ARHGAP42: variants seen among roughly 807,000 people sequenced by gnomAD.
ARHGAP42 encodes Rho GTPase activating protein 42, also known as rho GTPase-activating protein 42.
In ARHGAP42, 63 loss-of-function variants were observed where a neutral mutation model predicts 125.0. That is an observed-to-expected ratio of 0.50 (90% CI 0.41 to 0.62). The LOEUF is 0.62. Ranked by LOEUF, ARHGAP42 falls within the 20% of genes least tolerant of loss-of-function variation. The pLI, the probability that ARHGAP42 is intolerant of heterozygous loss-of-function variation, is 0.00. For synonymous variants in ARHGAP42, 339 were observed against 351.0 expected, an observed-to-expected ratio of 0.97 and a Z score of 0.38; for missense variants, 766 against 1,024.2, an observed-to-expected ratio of 0.75 and a Z score of 3.44.
chr11:100,940,521 C>A (rs183516186), intron 8 of ARHGAP42, among the ~76,000 whole-genome samples: 105 of 152,190 alleles, frequency 6.9e-4, no homozygotes, highest in African/African-American at 2.3e-3. Context: ...GCATTCTACG[C>A]CCTGATAAAT....
chr11:100,957,155 C>T (rs189076648), intron 12 of ARHGAP42, among the ~76,000 whole-genome samples: 1 of 152,180 alleles, frequency 6.6e-6, no homozygotes, highest in Admixed American at 6.6e-5. Flanking sequence ...GAAACTGAGG[C>T]ACAGAGATCA....
At chr11:100,787,237 C>T (rs1416807769) in intron 2 of ARHGAP42, among the ~76,000 whole-genome samples, 2 of 151,618 alleles carry the variant, frequency 1.3e-5, no homozygotes, top group East Asian at 1.9e-4. Context: ...GAGATCGCAC[C>T]ACTGTACTCC....
intron 1 of ARHGAP42, among the ~76,000 whole-genome samples, chr11:100,733,436 C>T (rs927306975): frequency 1.3e-5 from 2 of 152,162 alleles, no homozygotes; most frequent in Admixed American, 1.3e-4. Context: ...TCTACATATA[C>T]ACTTGAATTA....
intron 1 of ARHGAP42, among the ~76,000 whole-genome samples, chr11:100,758,061 C>A (rs918759814): frequency 6.6e-6 from 1 of 152,192 alleles, no homozygotes; most frequent in East Asian, 1.9e-4. Flanking sequence ...TAAACACTTT[C>A]ATTTGATCAA....
At chr11:100,705,021 A>C (rs796816163) in intron 1 of ARHGAP42, among the ~76,000 whole-genome samples, 17,590 of 142,136 alleles carry the variant, frequency 0.12, 1,303 homozygotes, top group African/African-American at 0.21. Flanking sequence ...AACAAAAAAA[A>C]AAAAAAAAAA....
chr11:100,710,452 G>C (rs1264502365), intron 1 of ARHGAP42, among the ~76,000 whole-genome samples: 1 of 150,096 alleles, frequency 6.7e-6, no homozygotes, highest in Non-Finnish European at 1.5e-5. Flanking sequence ...GGTCAGGCTG[G>C]TCTTGAACTC....
chr11:100,711,944 AG>A (rs1278486015), intron 1 of ARHGAP42, among the ~76,000 whole-genome samples: 1 of 152,258 alleles, frequency 6.6e-6, no homozygotes, highest in East Asian at 1.9e-4. Flanking sequence ...GGCTAATTAA[AG>A]GTGTACTGAG....
rs114530187 is a variant in ARHGAP42 at position 100,862,213 on chromosome 11, C to T, written c.384+2588C>T. Reference sequence around the variant, plus strand: ...GAGGAAAATGATGGGGTGACTTGCACCAAATCACAGAGCTGATCTGAAAGA... The same window carrying T: ...GAGGAAAATGATGGGGTGACTTGCATCAAATCACAGAGCTGATCTGAAAGA... On this transcript the variant is annotated intron_variant, in intron 4 of 23. Transcript: ENST00000298815. 5.5e-3 allele frequency among the ~76,000 whole-genome samples: 839 copies of T among 152,144 alleles called. 12 individuals are homozygous for T. Among genetic ancestry groups the T allele is most frequent in the African/African-American group, 0.019 (798 of 41,522 alleles).
At chr11:100,975,093 A>G (rs1858354380) in intron 19 of ARHGAP42, among the ~76,000 whole-genome samples, 1 of 152,198 alleles carries the variant, frequency 6.6e-6, no homozygotes, top group African/African-American at 2.4e-5. Context: ...TCTTGACACC[A>G]TGGCACACAT....
intron 4 of ARHGAP42, among the ~76,000 whole-genome samples, chr11:100,871,040 G>C (rs1294093495): frequency 6.6e-6 from 1 of 150,948 alleles, no homozygotes; most frequent in African/African-American, 2.4e-5. Context: ...TAAATAAATT[G>C]TACCAGCATT....
intron 3 of ARHGAP42, among the ~76,000 whole-genome samples, chr11:100,838,211 A>T (rs1376072650): frequency 6.6e-6 from 1 of 151,990 alleles, no homozygotes; most frequent in Non-Finnish European, 1.5e-5. Flanking sequence ...GCAGGAATTA[A>T]GGCACCTGGT....
intron 22 of ARHGAP42, among the ~76,000 whole-genome samples, chr11:100,984,442 ACTC>A (rs1858623763): frequency 6.6e-6 from 1 of 151,056 alleles, no homozygotes; most frequent in Admixed American, 6.6e-5. Context: ...ACCTCCGTGC[ACTC>A]CTATTCCCTT....
rs181599896 is a variant in ARHGAP42 at position 100,895,641 on chromosome 11, G to A, written c.385-17811G>A. 1.8e-3 allele frequency among the ~76,000 whole-genome samples: 273 copies of A among 152,008 alleles called. 1 individual carries two copies. Among genetic ancestry groups the A allele is most frequent in the Non-Finnish European group, 2.6e-3 (178 of 67,970 alleles). On this transcript the variant is annotated intron_variant, in intron 4 of 23. Coordinates refer to ENST00000298815, the MANE Select transcript of ARHGAP42 (RefSeq NM_152432.4). Reference sequence around the variant, plus strand: ...TGCTGAAGGAGAAGGAGTGCCAGGTGTATTTGAGGAAGGCATCTGGGAACT... The same window carrying A: ...TGCTGAAGGAGAAGGAGTGCCAGGTATATTTGAGGAAGGCATCTGGGAACT...
chr11:100,845,787 C>G (rs1278617126), intron 3 of ARHGAP42, among the ~76,000 whole-genome samples: 2 of 151,974 alleles, frequency 1.3e-5, no homozygotes, highest in African/African-American at 4.8e-5. Context: ...AATTTTGTAC[C>G]TTAGTAATGT....
chr11:100,794,699 G>T (rs1863666540), intron 2 of ARHGAP42, among the ~76,000 whole-genome samples: 1 of 152,186 alleles, frequency 6.6e-6, no homozygotes, highest in African/African-American at 2.4e-5. Context: ...CGAAATAGTA[G>T]ATTTGTTGCT....
At chr11:100,761,710 A>C (rs1384790155) in intron 1 of ARHGAP42, among the ~76,000 whole-genome samples, 1 of 152,192 alleles carries the variant, frequency 6.6e-6, no homozygotes, top group Non-Finnish European at 1.5e-5. Context: ...GCTCTCTTGA[A>C]GATAGTAATT....
At position 100,893,226 on chromosome 11, in the gene ARHGAP42, A is replaced by G. The variant is rs1219404829; in HGVS notation, c.385-20226A>G. Among the ~76,000 whole-genome samples the G allele has an allele frequency of 2.0e-5, 3 of 147,752 alleles. No homozygotes were observed. In the Admixed American group the frequency reaches 2.1e-4, roughly 10 times the overall value. On this transcript the variant is annotated intron_variant, in intron 4 of 23. Transcript: ENST00000298815. The stretch of plus-strand genomic sequence containing the variant: ...TTGAATTTGGGCTTTTTTGAGTCTC[A>G]GTGTTTTAAATTTCAGCATTATGTT...
intron 4 of ARHGAP42, among the ~76,000 whole-genome samples, chr11:100,891,266 C>T (rs1005038243): frequency 3.3e-5 from 5 of 152,082 alleles, no homozygotes. Context: ...CTCCTAATGT[C>T]TTTCTGTCCT....
At chr11:100,871,747 T>C (rs1865701433) in intron 4 of ARHGAP42, among the ~76,000 whole-genome samples, 1 of 152,074 alleles carries the variant, frequency 6.6e-6, no homozygotes, top group Non-Finnish European at 1.5e-5. Context: ...GTTAGGTTCA[T>C]TTGTTCTTTT....
Sources: gnomAD v4.1 joint callset for allele counts (sites outside exome capture counted in the v4.1 genomes callset) on GRCh38, gnomAD v4.1.1 for gene constraint, MANE v1.5 for transcripts, NCBI Gene and HGNC (gene_info 2026-07-23, HGNC 2026-07-21) for gene names.